CADPS: variants seen among roughly 807,000 people sequenced by gnomAD.
CADPS encodes the protein calcium-dependent secretion activator 1.
Under a neutral mutation model 167.3 loss-of-function variants are expected in CADPS, and 57 were observed. The observed-to-expected ratio is 0.34, with a 90% CI of 0.28 to 0.42. The LOEUF is 0.42. CADPS is among the 20% of genes least tolerant of loss of function. The probability of loss-of-function intolerance (pLI) is 1.00; values close to 1 mark genes in which losing one functional copy is unlikely to be tolerated. For missense variants in CADPS, 1,414 were observed against 1,738.1 expected (o/e 0.81, Z 3.32); for synonymous variants, 676 against 635.3 (o/e 1.06, Z -0.96).
chr3:62,479,858 C>T (rs889328666), intron 22 of CADPS, among the ~76,000 whole-genome samples: 4 of 152,160 alleles, frequency 2.6e-5, no homozygotes, highest in Admixed American at 6.5e-5. Context: ...GTTGTTTCTC[C>T]GTGAAAGTTC....
At chr3:62,469,981 C>G (rs551721868) in intron 24 of CADPS, among the ~76,000 whole-genome samples, 1 of 152,180 alleles carries the variant, frequency 6.6e-6, no homozygotes, top group African/African-American at 2.4e-5. Flanking sequence ...CTGTGCTACA[C>G]GTTTTGCCTT....
chr3:62,842,895 G>A (rs115129561), intron 1 of CADPS, among the ~76,000 whole-genome samples: 81 of 152,226 alleles, frequency 5.3e-4, no homozygotes, highest in Non-Finnish European at 6.6e-4. Flanking sequence ...TCTGTACTGC[G>A]TAACCAAGGT....
At chr3:62,701,127 A>G (rs4580543) in intron 3 of CADPS, among the ~76,000 whole-genome samples, 83,751 of 151,554 alleles carry the variant, frequency 0.55, 24,489 homozygotes, top group East Asian at 0.89. Flanking sequence ...TATCACGCTG[A>G]ACGTTACGAT....
At chr3:62,453,547 A>G (rs867976039) in intron 26 of CADPS, among the ~76,000 whole-genome samples, 18 of 152,228 alleles carry the variant, frequency 1.2e-4, no homozygotes, top group African/African-American at 4.3e-4. Context: ...CTCTAAGTGC[A>G]TCTTGGGAAG....
chr3:62,772,533 C>T (rs114789196), intron 1 of CADPS, among the ~76,000 whole-genome samples: 426 of 152,212 alleles, frequency 2.8e-3, no homozygotes, highest in African/African-American at 0.01. Context: ...CTAAGAGCAT[C>T]GCAGAAATGT....
At chr3:62,782,290 T>TCCAG (rs1389046604) in intron 1 of CADPS, among the ~76,000 whole-genome samples, 1 of 152,268 alleles carries the variant, frequency 6.6e-6, no homozygotes, top group South Asian at 2.1e-4. Flanking sequence ...AATTCATCCA[T>TCCAG]CCAGCCAGCC....
chr3:62,461,891 C>T (rs1300964917), intron 26 of CADPS, among the ~76,000 whole-genome samples: 1 of 152,342 alleles, frequency 6.6e-6, no homozygotes, highest in Non-Finnish European at 1.5e-5. Flanking sequence ...CTTTCTAGCT[C>T]GTTGCTGTGT....
At chr3:62,628,781 T>C (rs58699030) in intron 6 of CADPS, among the ~76,000 whole-genome samples, 1,600 of 152,014 alleles carry the variant, frequency 0.011, 23 homozygotes, top group African/African-American at 0.036. Context: ...TGCCCGCCAC[T>C]ACACCTGGCC....
intron 1 of CADPS, among the ~76,000 whole-genome samples, chr3:62,850,740 T>C (rs939047076): frequency 1.3e-5 from 2 of 151,464 alleles, no homozygotes; most frequent in Non-Finnish European, 2.9e-5. Context: ...CTGAAAAAAA[T>C]GTATATTCTG....
intron 26 of CADPS, among the ~76,000 whole-genome samples, chr3:62,460,162 G>C (rs933467827): frequency 7.9e-5 from 12 of 152,080 alleles, no homozygotes; most frequent in Non-Finnish European, 1.6e-4. Flanking sequence ...TATAAAATGG[G>C]GATGCTAATT....
intron 2 of CADPS, among the ~76,000 whole-genome samples, chr3:62,756,439 A>C (rs2083933875): frequency 6.6e-6 from 1 of 152,166 alleles, no homozygotes; most frequent in Admixed American, 6.5e-5. Flanking sequence ...TTTAACTGTA[A>C]TGATTATAAA....
chr3:62,621,897 C>CT (rs3080563), intron 6 of CADPS, among the ~76,000 whole-genome samples: 43,254 of 147,126 alleles, frequency 0.29, 6,542 homozygotes, highest in East Asian at 0.6. Context: ...CTACTTACTT[C>CT]TTTTTTTTTT....
chr3:62,823,941 T>A (rs1490529910), intron 1 of CADPS, among the ~76,000 whole-genome samples: 2 of 152,000 alleles, frequency 1.3e-5, no homozygotes, highest in East Asian at 3.9e-4. Context: ...ACGGCCCATG[T>A]TTTTCTGCCA....
At chr3:62,524,803 T>C (rs1242253821) in intron 13 of CADPS, among the ~76,000 whole-genome samples, 1 of 152,140 alleles carries the variant, frequency 6.6e-6, no homozygotes, top group African/African-American at 2.4e-5. Context: ...ATCAGATGAT[T>C]AGAGAAATTG....
In CADPS at chr3:62,626,408, A is replaced by T. The variant is rs558340597; in HGVS notation, c.1325+19314T>A. On this transcript the variant is annotated intron_variant, in intron 6 of 29. Transcript: ENST00000383710. ...ACACCCAAAAGGATGAGTGTAAACC[A>T]GGGAAATACACAGACTATAGTGAAA... The T allele has an allele frequency of 9.1e-6, 6 of 657,390 alleles. No homozygotes were observed. The Admixed American group carries it at 1.3e-4, about 15-fold the overall frequency. 40.7% of individuals were successfully genotyped at this position (657,390 alleles called of 1,614,324 possible). A position where few individuals can be genotyped will look rare whatever the true frequency, so the allele number is the denominator to read the frequency against.
chr3:62,819,792 T>C (rs1366226710), intron 1 of CADPS, among the ~76,000 whole-genome samples: 1 of 152,130 alleles, frequency 6.6e-6, no homozygotes, highest in Non-Finnish European at 1.5e-5. Context: ...TTGTCATACA[T>C]TGTTCCTGGG....
chr3:62,630,135 C>A (rs1236309751), intron 6 of CADPS, among the ~76,000 whole-genome samples: 1 of 152,026 alleles, frequency 6.6e-6, no homozygotes, highest in African/African-American at 2.4e-5. Context: ...TTGGTGTATC[C>A]CTTGTGTCTA....
rs1378568343 is a variant in CADPS at position 62,465,354 on chromosome 3, G to A, written c.3636+13C>T. The A allele has an allele frequency of 1.3e-6, 2 of 1,570,994 alleles. No individual in the cohort carries two copies. Among genetic ancestry groups the A allele is most frequent in the East Asian group, 2.2e-5 (1 of 44,536 alleles). On this transcript the variant is annotated intron_variant, in intron 26 of 29. Coordinates refer to ENST00000383710, the MANE Select transcript of CADPS (RefSeq NM_003716.4). This position sits in a 1 kb window ranked among gnomAD's most constrained non-coding sequence, Gnocchi z 4.1. Reference sequence around the variant, plus strand: ...AAAACAAAAGCCAGGAAATAAAGAAGCTCTTTACTTACGGTAAATGACAGA... The same window carrying A: ...AAAACAAAAGCCAGGAAATAAAGAAACTCTTTACTTACGGTAAATGACAGA...
chr3:62,811,040 GC>G (rs1277635531), intron 1 of CADPS, among the ~76,000 whole-genome samples: 1 of 152,192 alleles, frequency 6.6e-6, no homozygotes, highest in East Asian at 1.9e-4. Context: ...TTATAAACCA[GC>G]CCTTCTTAAA....
Sources: gnomAD v4.1 joint callset for allele counts (sites outside exome capture counted in the v4.1 genomes callset) on GRCh38, gnomAD v4.1.1 for gene constraint, Gnocchi (gnomAD v3.1) non-coding constraint, MANE v1.5 for transcripts, NCBI Gene and HGNC (gene_info 2026-07-23, HGNC 2026-07-21) for gene names.